The following CHRM3 variants were observed in gnomAD, a reference collection of about 807,000 sequenced individuals.
CHRM3 encodes cholinergic receptor muscarinic 3.
Under a neutral mutation model 41.8 loss-of-function variants are expected in CHRM3, and 11 were observed. That is an observed-to-expected ratio of 0.26 (90% CI 0.17 to 0.44). The LOEUF (loss-of-function observed/expected upper bound fraction) is 0.44. Ranked by LOEUF, CHRM3 falls within the 20% of genes least tolerant of loss-of-function variation. The pLI is 1.00. For synonymous variants in CHRM3, 297 were observed against 301.4 expected, an observed-to-expected ratio of 0.99 and a Z score of 0.15; for missense variants, 571 against 745.4, an observed-to-expected ratio of 0.77 and a Z score of 2.72.
intron 5 of CHRM3, among the ~76,000 whole-genome samples, chr1:239,770,484 T>G (rs1667572427): frequency 1.3e-5 from 2 of 152,206 alleles, no homozygotes; most frequent in South Asian, 4.1e-4. Context: ...CCTATGAAGA[T>G]GTGCTTCAGA....
intron 3 of CHRM3, among the ~76,000 whole-genome samples, chr1:239,576,594 G>A (rs28736614): frequency 0.11 from 15,365 of 141,440 alleles, 868 homozygotes; most frequent in African/African-American, 0.14. Context: ...ACACACACAC[G>A]CACACACACA....
intron 3 of CHRM3, among the ~76,000 whole-genome samples, chr1:239,555,563 G>A (rs1400194859): frequency 6.6e-6 from 1 of 152,164 alleles, no homozygotes; most frequent in East Asian, 1.9e-4. Flanking sequence ...GTTTACCGTT[G>A]CCACGGCAAT....
Position 239,781,364 on chromosome 1 carries a change from A to G in CHRM3, c.-146-45888A>G, listed in dbSNP as rs190480846. On this transcript the variant is annotated intron_variant, in intron 5 of 6. Coordinates refer to ENST00000676153, the MANE Select transcript of CHRM3 (RefSeq NM_001375978.1). ...TTATACCTATTTGGGGGAAATTAAC[A>G]TTAATATGTGTTTTTAATTTCAAAT... is the stretch of plus-strand genomic sequence containing the variant. Among the ~76,000 whole-genome samples the G allele has an allele frequency of 2.6e-3, 389 of 152,316 alleles. 3 individuals are homozygous for G. The highest frequency in any genetic ancestry group is 2.9e-3 in the Non-Finnish European group (199 of 68,014).
intron 2 of CHRM3, among the ~76,000 whole-genome samples, chr1:239,544,858 A>G (rs1659136844): frequency 1.3e-5 from 2 of 152,240 alleles, no homozygotes; most frequent in Non-Finnish European, 2.9e-5. Context: ...TAGGACACGT[A>G]GAGCACAACT....
intron 5 of CHRM3, among the ~76,000 whole-genome samples, chr1:239,733,083 G>A (rs149381308): frequency 7.2e-5 from 11 of 152,132 alleles, no homozygotes; most frequent in Non-Finnish European, 1.6e-4. Flanking sequence ...TTGCCTAAAT[G>A]CCATTTTATT....
intron 3 of CHRM3, among the ~76,000 whole-genome samples, chr1:239,596,051 A>T (rs1664738294): frequency 6.6e-6 from 1 of 152,192 alleles, no homozygotes; most frequent in African/African-American, 2.4e-5. Context: ...ATGTATTTAT[A>T]AAAGTTAAAG....
At chr1:239,501,475 C>T (rs1311140318) in intron 2 of CHRM3, among the ~76,000 whole-genome samples, 1 of 152,188 alleles carries the variant, frequency 6.6e-6, no homozygotes, top group Non-Finnish European at 1.5e-5. Flanking sequence ...CCAAAAGGAA[C>T]TTTCAAAACA....
intron 5 of CHRM3, among the ~76,000 whole-genome samples, chr1:239,700,823 G>A (rs993102744): frequency 1.3e-5 from 2 of 152,104 alleles, no homozygotes; most frequent in African/African-American, 4.8e-5. Context: ...GCTTTGGGAA[G>A]TGTTCCAGTT....
In CHRM3 at chr1:239,617,807, A is replaced by C. The variant is rs561842060; in HGVS notation, c.-312-14417A>C. On this transcript the variant is annotated intron_variant, in intron 3 of 6. Transcript: ENST00000676153. ...CACACTGTACGTGGTGTAGAGTTCC[A>C]ACATTCATTTCTGTCGCCTTCTTCA... Among the ~76,000 whole-genome samples the C allele has an allele frequency of 2.6e-5, 4 of 152,258 alleles. No homozygotes were observed. The South Asian group carries it at 8.3e-4, about 32-fold the overall frequency.
chr1:239,884,120 A>G (rs903392062), intron 6 of CHRM3, among the ~76,000 whole-genome samples: 11 of 152,230 alleles, frequency 7.2e-5, no homozygotes, highest in Admixed American at 5.9e-4. Context: ...CCAAAAAGAT[A>G]CGACCACATT....
intron 6 of CHRM3, among the ~76,000 whole-genome samples, chr1:239,882,104 C>T (rs776560561): frequency 5.9e-5 from 9 of 152,054 alleles, no homozygotes; most frequent in Non-Finnish European, 8.8e-5. Flanking sequence ...GATGGGGTTT[C>T]GCCTTGTTGG....
At chr1:239,774,116 C>T (rs1667903628) in intron 5 of CHRM3, among the ~76,000 whole-genome samples, 1 of 152,142 alleles carries the variant, frequency 6.6e-6, no homozygotes, top group African/African-American at 2.4e-5. Flanking sequence ...GTAACCTAAC[C>T]TAAATCCTAG....
intron 5 of CHRM3, among the ~76,000 whole-genome samples, chr1:239,739,815 A>T (rs1229100454): frequency 6.6e-6 from 1 of 152,164 alleles, no homozygotes; most frequent in Non-Finnish European, 1.5e-5. Flanking sequence ...AAAGATATTG[A>T]TACATTTGGA....
At chr1:239,688,390 A>AATATATAAATATAAATATGTATATAAAT in intron 5 of CHRM3, among the ~76,000 whole-genome samples, 1 of 144,372 alleles carries the variant, frequency 6.9e-6, no homozygotes, top group African/African-American at 2.5e-5. Context: ...TTGGGTTTTA[A>AATATATAAATATAAATATGTATATAAAT]ATATATAAAT....
At chr1:239,456,577 A>G (rs936356808) in intron 1 of CHRM3, among the ~76,000 whole-genome samples, 1 of 152,180 alleles carries the variant, frequency 6.6e-6, no homozygotes, top group African/African-American at 2.4e-5. Context: ...CTCGGAACGT[A>G]TCCTGGTCCT....
At chr1:239,391,702 C>A (rs529283543) in intron 1 of CHRM3, among the ~76,000 whole-genome samples, 1 of 152,316 alleles carries the variant, frequency 6.6e-6, no homozygotes, top group African/African-American at 2.4e-5. Context: ...ATATTCTGAG[C>A]CCCTGCCAGC....
At chr1:239,465,907 T>G (rs1298960074) in intron 1 of CHRM3, among the ~76,000 whole-genome samples, 1 of 152,178 alleles carries the variant, frequency 6.6e-6, no homozygotes, top group Non-Finnish European at 1.5e-5. Flanking sequence ...CAAGACCAAC[T>G]GCTCCTCTTC....
At chr1:239,757,455 C>A (rs566618037) in intron 5 of CHRM3, among the ~76,000 whole-genome samples, 1 of 151,998 alleles carries the variant, frequency 6.6e-6, no homozygotes, top group South Asian at 2.1e-4. Flanking sequence ...ATGGTGAAAC[C>A]CCGTCTCTAC....
chr1:239,682,586 C>T (rs1484993756), intron 5 of CHRM3, among the ~76,000 whole-genome samples: 1 of 151,664 alleles, frequency 6.6e-6, no homozygotes, highest in South Asian at 2.1e-4. Context: ...TATTAACTCC[C>T]TTTAATCAGA....
Sources: allele counts gnomAD v4.1 joint callset (sites outside exome capture counted in the v4.1 genomes callset), GRCh38; gene constraint gnomAD v4.1.1; transcripts MANE v1.5; gene names NCBI Gene and HGNC (gene_info 2026-07-23, HGNC 2026-07-21).